Variants in FOXJ3 observed in about 807,000 individuals in gnomAD.
The protein encoded by FOXJ3 is forkhead box J3.
A neutral mutation model predicts 76.1 loss-of-function variants in FOXJ3; 22 were observed. The observed-to-expected ratio is 0.29, with a 90% CI of 0.21 to 0.41. The LOEUF is 0.41. FOXJ3 is among the 10% of genes least tolerant of loss of function. The pLI is 1.00. For synonymous variants in FOXJ3, 269 were observed against 261.2 expected, an observed-to-expected ratio of 1.03 and a Z score of -0.29; for missense variants, 613 against 762.1, an observed-to-expected ratio of 0.80 and a Z score of 2.30.
chr1:42,204,487 A>G (rs907640326), intron 6 of FOXJ3, among the ~76,000 whole-genome samples: 2 of 152,132 alleles, frequency 1.3e-5, no homozygotes, highest in African/African-American at 4.8e-5. Context: ...CCACACTATC[A>G]TCTATGTTTA....
At chr1:42,261,755 C>G (rs1316514634) in intron 4 of FOXJ3, among the ~76,000 whole-genome samples, 1 of 152,178 alleles carries the variant, frequency 6.6e-6, no homozygotes, top group Non-Finnish European at 1.5e-5. Flanking sequence ...AAGTCCGTCC[C>G]ATACCCAAGA....
chr1:42,176,567 T>A lies in FOXJ3; in HGVS notation c.*3143A>T, dbSNP rs1420927192. ...TGTAAATAGAGTTAACATAATATAT[T>A]TATTTTAAGTGCCATTCATGCATAT... On this transcript the variant is annotated 3_prime_UTR_variant, in exon 13 of 13. Coordinates refer to ENST00000361346, the MANE Select transcript of FOXJ3 (RefSeq NM_014947.5). 3 of 152,568 alleles carry A rather than the reference T, an allele frequency of 2.0e-5. No individual in the cohort carries two copies. The highest frequency in any genetic ancestry group is 6.5e-5 in the Admixed American group (1 of 15,280). 9.5% of individuals were successfully genotyped at this position (152,568 alleles called of 1,614,324 possible).
rs562587355 is a variant in FOXJ3 at position 42,319,579 on chromosome 1, T to TA, written c.-17-8470dup. Among the ~76,000 whole-genome samples, 8 of 152,288 alleles carry TA rather than the reference T, an allele frequency of 5.3e-5. No individual in the cohort carries two copies. The East Asian group carries it at 1.5e-3, about 29-fold the overall frequency. ...AGGCAGGAGAAAAACGTTCTAAAAT[T>TA]AGACTGTAGCAATGGTTGCACAATC... is the stretch of plus-strand genomic sequence containing the variant. On this transcript the variant is annotated intron_variant, in intron 1 of 12. Coordinates refer to ENST00000361346, the MANE Select transcript of FOXJ3 (RefSeq NM_014947.5).
chr1:42,313,941 A>T (rs1654958834), intron 1 of FOXJ3, among the ~76,000 whole-genome samples: 1 of 152,198 alleles, frequency 6.6e-6, no homozygotes, highest in Non-Finnish European at 1.5e-5. Flanking sequence ...TAATCTCCAA[A>T]CAAATATCTA....
intron 4 of FOXJ3, 81 bp from the exon 5 acceptor site, chr1:42,228,047 A>C (rs1403131899): frequency 7.9e-6 from 5 of 635,364 alleles, no homozygotes; most frequent in Non-Finnish European, 1.3e-5. Flanking sequence ...CCTTTGCATC[A>C]AAAGCAAACA....
intron 1 of FOXJ3, 143 bp from the exon 2 acceptor site, chr1:42,311,253 G>C (rs762562666): frequency 1.7e-6 from 1 of 586,122 alleles, no homozygotes; most frequent in Non-Finnish European, 3.0e-6. Flanking sequence ...CACCCCATCA[G>C]AACACAAACT....
intron 2 of FOXJ3, among the ~76,000 whole-genome samples, chr1:42,289,574 C>G (rs11210616): frequency 6.6e-6 from 1 of 152,126 alleles, no homozygotes; most frequent in African/African-American, 2.4e-5. Flanking sequence ...CAGTTCTATG[C>G]TGTGGATTTA....
intron 4 of FOXJ3, among the ~76,000 whole-genome samples, chr1:42,250,089 T>C (rs1649899196): frequency 6.6e-6 from 1 of 152,178 alleles, no homozygotes; most frequent in Admixed American, 6.5e-5. Context: ...ACTTGGGTTT[T>C]TACTCATGTG....
intron 11 of FOXJ3, among the ~76,000 whole-genome samples, chr1:42,185,209 T>G (rs1257185127): frequency 6.6e-6 from 1 of 151,696 alleles, no homozygotes; most frequent in African/African-American, 2.4e-5. Flanking sequence ...GAATTCTTAT[T>G]GCACTTAAAC....
intron 4 of FOXJ3, among the ~76,000 whole-genome samples, chr1:42,258,023 C>G (rs759826551): frequency 2.0e-5 from 3 of 152,166 alleles, no homozygotes; most frequent in Admixed American, 6.5e-5. Context: ...CTGGGGAGAG[C>G]AGTCCCTGTC....
At chr1:42,295,519 CTTT>C (rs34641810) in intron 2 of FOXJ3, among the ~76,000 whole-genome samples, 1 of 79,042 alleles carries the variant, frequency 1.3e-5, no homozygotes. Flanking sequence ...CTACAAGTGT[CTTT>C]TTTTTTTTTT....
chr1:42,199,358 C>A lies in FOXJ3; in HGVS notation c.631-128G>T, dbSNP rs988416489. 1.0e-5 allele frequency: 7 copies of A among 676,526 alleles called. No individual in the cohort carries two copies. The African/African-American group carries it at 1.2e-4, about 12-fold the overall frequency. 41.9% of individuals were successfully genotyped at this position (676,526 alleles called of 1,614,324 possible). A position where few individuals can be genotyped will look rare whatever the true frequency, so the allele number is the denominator to read the frequency against. ...CAGTGGCCTTTCCCTAGGTGCTCACCCCAATTCCATGCCCCATATGGCTAA... is the reference window on the plus strand; with the variant it reads ...CAGTGGCCTTTCCCTAGGTGCTCACACCAATTCCATGCCCCATATGGCTAA... On this transcript the variant is annotated intron_variant, in intron 6 of 12. Coordinates refer to ENST00000361346, the MANE Select transcript of FOXJ3 (RefSeq NM_014947.5).
chr1:42,204,321 T>A (rs1057190977), intron 6 of FOXJ3, among the ~76,000 whole-genome samples: 3 of 152,126 alleles, frequency 2.0e-5, no homozygotes. Flanking sequence ...TGGCTATGTA[T>A]GTCTGGTATT....
At chr1:42,245,129 A>G (rs1256380) in intron 4 of FOXJ3, among the ~76,000 whole-genome samples, 1 of 149,668 alleles carries the variant, frequency 6.7e-6, no homozygotes, top group Non-Finnish European at 1.5e-5. Context: ...GCAGTGAGCC[A>G]AGATTGCACT....
intron 1 of FOXJ3, among the ~76,000 whole-genome samples, chr1:42,324,340 T>TAC (rs1491275795): frequency 5.5e-4 from 3 of 5,498 alleles, no homozygotes; most frequent in East Asian, 5.5e-3. Flanking sequence ...ACATATACAC[T>TAC]ATATACTATA....
At chr1:42,237,427 T>TATATATATATAC (rs1166082659) in intron 4 of FOXJ3, among the ~76,000 whole-genome samples, 72 of 129,912 alleles carry the variant, frequency 5.5e-4, no homozygotes, top group South Asian at 1.7e-3. Flanking sequence ...TATATATATA[T>TATATATATATAC]ACATACATAC....
intron 3 of FOXJ3, among the ~76,000 whole-genome samples, chr1:42,265,850 A>G (rs1651423817): frequency 6.6e-6 from 1 of 152,234 alleles, no homozygotes; most frequent in South Asian, 2.1e-4. Context: ...TAAATTCTTC[A>G]TTGTAGCAGG....
chr1:42,208,784 T>C (rs191100024), intron 5 of FOXJ3, among the ~76,000 whole-genome samples: 2 of 152,246 alleles, frequency 1.3e-5, no homozygotes, highest in South Asian at 2.1e-4. Context: ...CTACCATAAG[T>C]CAAAAATGCA....
At chr1:42,311,868 T>C (rs1156549818) in intron 1 of FOXJ3, among the ~76,000 whole-genome samples, 1 of 152,218 alleles carries the variant, frequency 6.6e-6, no homozygotes, top group South Asian at 2.1e-4. Flanking sequence ...GCAAGCTTGT[T>C]GTTAGAATTA....
Sources: gnomAD v4.1 joint callset for allele counts (sites outside exome capture counted in the v4.1 genomes callset) on GRCh38, gnomAD v4.1.1 for gene constraint, MANE v1.5 for transcripts, NCBI Gene and HGNC (gene_info 2026-07-23, HGNC 2026-07-21) for gene names.